RO60: variants seen among roughly 807,000 people sequenced by gnomAD.
RO60 encodes RNA-binding protein RO60.
In RO60, 20 loss-of-function variants were observed where a neutral mutation model predicts 55.3. The ratio of observed to expected loss-of-function variants is 0.36; its 90% CI spans 0.25 to 0.53. The LOEUF (loss-of-function observed/expected upper bound fraction) is 0.53, where lower values mean the gene tolerates loss of function less well. RO60 is among the 20% of genes least tolerant of loss of function. The pLI is 0.92. For missense variants in RO60, 558 were observed against 646.6 expected (o/e 0.86, Z 1.49); for synonymous variants, 213 against 213.6 (o/e 1.00, Z 0.02).
chr1:193,059,801 T>A lies in RO60; in HGVS notation c.-22+25T>A, dbSNP rs751097847. On this transcript the variant is annotated intron_variant, in intron 1 of 8. Transcript: ENST00000400968. The surrounding 1 kb of genome is among the most constrained non-coding windows in gnomAD (Gnocchi z 4.9). ...GGTGAGGACATTGCGGGAGGCCGGC[T>A]GGGAGCCTTTTGTGCGGCCCCAGGG... is the stretch of plus-strand genomic sequence containing the variant. 1 of 1,356,800 alleles carries A rather than the reference T, an allele frequency of 7.4e-7. No homozygotes were observed. The highest frequency in any genetic ancestry group is 2.0e-5 in the Admixed American group (1 of 50,900). 84.0% of individuals were successfully genotyped at this position (1,356,800 alleles called of 1,614,324 possible).
At chr1:193,060,472 C>T (rs1377688857) in intron 1 of RO60, among the ~76,000 whole-genome samples, 2 of 151,942 alleles carry the variant, frequency 1.3e-5, no homozygotes, top group Non-Finnish European at 2.9e-5. Context: ...ATATTTACTC[C>T]TTAAAAGCTA....
intron 1 of RO60, among the ~76,000 whole-genome samples, chr1:193,064,912 T>A (rs1337699640): frequency 2.0e-5 from 3 of 152,240 alleles, no homozygotes. Flanking sequence ...GAATACCTAA[T>A]ATTAAATATG....
At position 193,090,771 on chromosome 1, in the gene RO60, CTCTG is replaced by C. The variant is rs1674826147; in HGVS notation, c.*6042_*6045del. On this transcript the variant is annotated 3_prime_UTR_variant, in exon 9 of 9. Coordinates refer to ENST00000400968, the MANE Select transcript of RO60 (RefSeq NM_001173524.2). Reference sequence around the variant, plus strand: ...TTTGACTGCCTTAAAATACTACTTGCTCTGTAATTCAGGCATACTAGTTACTTTC... The same window carrying C: ...TTTGACTGCCTTAAAATACTACTTGCTAATTCAGGCATACTAGTTACTTTC... The C allele has an allele frequency of 6.6e-6, 1 of 152,042 alleles. No individual in the cohort carries two copies. The highest frequency in any genetic ancestry group is 1.5e-5 in the Non-Finnish European group (1 of 67,954). 9.4% of individuals were successfully genotyped at this position (152,042 alleles called of 1,614,324 possible).
Position 193,076,597 on chromosome 1 carries a change from G to C in RO60, c.898G>C (p.Glu300Gln). The C allele has an allele frequency of 6.2e-7, 1 of 1,610,510 alleles. No individual in the cohort carries two copies. Among genetic ancestry groups the C allele is most frequent in the Admixed American group, 1.7e-5 (1 of 59,226 alleles). ...TTCAGTACTTGAACCAGGAAATTCA[G>C]AAGTATCTTTAGTATGTGAAAAACT... is the stretch of plus-strand genomic sequence containing the variant. ...ANSVLEPGNS[E>Q]VSLVCEKLCN... Residue 300 changes from glutamate (E) to glutamine (Q), a missense_variant, in exon 4 of 9, where the codon GAA becomes CAA. Transcript: ENST00000400968.
In RO60 at chr1:193,086,979, TGG is replaced by T. The variant is rs947813416; in HGVS notation, c.*2249_*2250del. 16 of 152,158 alleles carry T rather than the reference TGG, an allele frequency of 1.1e-4. 1 individual carries two copies. 9.4% of individuals were successfully genotyped at this position (152,158 alleles called of 1,614,324 possible). Reference sequence around the variant, plus strand: ...TTGAAGTACTATAACCTAGAAATCTTGGTCTCTTCATTCCTGTGCCAGAATTT... The same window carrying T: ...TTGAAGTACTATAACCTAGAAATCTTTCTCTTCATTCCTGTGCCAGAATTT... On this transcript the variant is annotated 3_prime_UTR_variant, in exon 9 of 9. Coordinates refer to ENST00000400968, the MANE Select transcript of RO60 (RefSeq NM_001173524.2).
Position 193,076,613 on chromosome 1 carries a change from G to A in RO60, c.914G>A (p.Cys305Tyr), listed in dbSNP as rs772953964. The A allele has an allele frequency of 3.7e-6, 6 of 1,607,164 alleles. No homozygotes were observed. In the Admixed American group the frequency reaches 1.0e-4, roughly 28 times the overall value. Residue 305 changes from cysteine to tyrosine, a missense_variant, in exon 4 of 9, where the codon TGT (cysteine) becomes TAT (tyrosine). Coordinates refer to ENST00000400968, the MANE Select transcript of RO60 (RefSeq NM_001173524.2). ...GGAAATTCAGAAGTATCTTTAGTATGTGAAAAACTGTGTAATGAAAAACTA... is the reference window on the plus strand; with the variant it reads ...GGAAATTCAGAAGTATCTTTAGTATATGAAAAACTGTGTAATGAAAAACTA... The part of the protein sequence containing the change: ...EPGNSEVSLV[C>Y]EKLCNEKLLK...
chr1:193,081,761 GA>G (rs1212362487), intron 6 of RO60, among the ~76,000 whole-genome samples: 1 of 151,662 alleles, frequency 6.6e-6, no homozygotes, highest in Non-Finnish European at 1.5e-5. Context: ...TAGATAAAAT[GA>G]AAAAAAGACA....
chr1:193,087,630 T>G lies in RO60; in HGVS notation c.*2899T>G, dbSNP rs548390233. Reference sequence around the variant, plus strand: ...GACAACCAGTTTAACCTAAGTGATTTGATTATTTTTATCCTTAAAAAGTAA... The same window carrying G: ...GACAACCAGTTTAACCTAAGTGATTGGATTATTTTTATCCTTAAAAAGTAA... On this transcript the variant is annotated 3_prime_UTR_variant, in exon 9 of 9. Transcript: ENST00000400968. 40 of 152,332 alleles carry G rather than the reference T, an allele frequency of 2.6e-4. No homozygotes were observed. Among genetic ancestry groups the G allele is most frequent in the Non-Finnish European group, 4.4e-4 (30 of 68,018 alleles). The allele number at this position is 152,332 out of a possible 1,614,324, so 9.4% of individuals were successfully genotyped here. A position where few individuals can be genotyped will look rare whatever the true frequency, so the allele number is the denominator to read the frequency against.
chr1:193,076,427 T>A, intron 3 of RO60, 74 bp from the exon 4 acceptor site: 1 of 1,475,984 alleles, frequency 6.8e-7, no homozygotes, highest in Non-Finnish European at 9.1e-7. Context: ...TTATGAATAT[T>A]TTTTTATATA....
chr1:193,071,297 G>A (rs1035092819), intron 2 of RO60, among the ~76,000 whole-genome samples: 5 of 152,156 alleles, frequency 3.3e-5, no homozygotes, highest in African/African-American at 1.2e-4. Flanking sequence ...GGCCCTTGCT[G>A]TATATCAGAT....
In RO60 at chr1:193,087,364, C is replaced by A. The variant is rs1674664133; in HGVS notation, c.*2633C>A. The A allele has an allele frequency of 6.6e-6, 1 of 152,082 alleles. No individual in the cohort carries two copies. Among genetic ancestry groups the A allele is most frequent in the Admixed American group, 6.5e-5 (1 of 15,274 alleles). 9.4% of individuals were successfully genotyped at this position (152,082 alleles called of 1,614,324 possible). ...AAACAATCCTGCAAGAATAAACAAA[C>A]TTTATTTCCTAGGTAGTATGTAAAT... On this transcript the variant is annotated 3_prime_UTR_variant, in exon 9 of 9. Transcript: ENST00000400968.
intron 2 of RO60, among the ~76,000 whole-genome samples, chr1:193,071,868 A>T (rs527716445): frequency 1.3e-5 from 2 of 149,060 alleles, no homozygotes; most frequent in South Asian, 4.2e-4. Flanking sequence ...ATATGTATGT[A>T]TATATAATAT....
intron 1 of RO60, among the ~76,000 whole-genome samples, chr1:193,064,998 T>C (rs1673013638): frequency 6.6e-6 from 1 of 152,220 alleles, no homozygotes; most frequent in Admixed American, 6.5e-5. Context: ...ACTTTATTTT[T>C]TCTTGATTAT....
Position 193,065,973 on chromosome 1 carries a change from C to T in RO60, c.-21-3061C>T, listed in dbSNP as rs543025217. On this transcript the variant is annotated intron_variant, in intron 1 of 8. Coordinates refer to ENST00000400968, the MANE Select transcript of RO60 (RefSeq NM_001173524.2). ...TCCCTACACCACTATGTGTTCCCCT[C>T]TCTGAGACCCAGTCTTTCATTCCTC... is the stretch of plus-strand genomic sequence containing the variant. 4.6e-5 allele frequency among the ~76,000 whole-genome samples: 7 copies of T among 152,304 alleles called. No homozygotes were observed. In the East Asian group the frequency reaches 1.3e-3, roughly 29 times the overall value.
rs1672278709 is a variant in RO60 at position 193,059,795 on chromosome 1, G to T, written c.-22+19G>T. ...GGTACAGGTGAGGACATTGCGGGAGGCCGGCTGGGAGCCTTTTGTGCGGCC... is the reference window on the plus strand; with the variant it reads ...GGTACAGGTGAGGACATTGCGGGAGTCCGGCTGGGAGCCTTTTGTGCGGCC... On this transcript the variant is annotated intron_variant, in intron 1 of 8. Coordinates refer to ENST00000400968, the MANE Select transcript of RO60 (RefSeq NM_001173524.2). This position sits in a 1 kb window ranked among gnomAD's most constrained non-coding sequence, Gnocchi z 4.9. 2.2e-6 allele frequency: 3 copies of T among 1,356,288 alleles called. No individual in the cohort carries two copies. Among genetic ancestry groups the T allele is most frequent in the Non-Finnish European group, 2.9e-6 (3 of 1,017,252 alleles). The allele number at this position is 1,356,288 out of a possible 1,614,324, so 84.0% of individuals were successfully genotyped here.
intron 1 of RO60, among the ~76,000 whole-genome samples, chr1:193,065,903 C>G (rs1262034545): frequency 6.6e-6 from 1 of 152,160 alleles, no homozygotes; most frequent in Admixed American, 6.5e-5. Flanking sequence ...CTGTCCCCCT[C>G]AGTCACATTC....
chr1:193,075,117 T>A (rs534522479), intron 2 of RO60, among the ~76,000 whole-genome samples: 1 of 152,236 alleles, frequency 6.6e-6, no homozygotes, highest in East Asian at 1.9e-4. Flanking sequence ...ATTTTAATGT[T>A]GTAATCCAAT....
In RO60 at chr1:193,091,189, C is replaced by T. The variant is rs1572119429; in HGVS notation, c.*6458C>T. 1 of 152,498 alleles carries T rather than the reference C, an allele frequency of 6.6e-6. No individual in the cohort carries two copies. The highest frequency in any genetic ancestry group is 2.1e-4 in the South Asian group (1 of 4,846). 9.4% of individuals were successfully genotyped at this position (152,498 alleles called of 1,614,324 possible). A position where few individuals can be genotyped will look rare whatever the true frequency, so the allele number is the denominator to read the frequency against. ...TAAGGGAATTTTTCAAGACAAAAGG[C>T]AAATATTTTGTTTCAAACCTACAAG... On this transcript the variant is annotated 3_prime_UTR_variant, in exon 9 of 9. Coordinates refer to ENST00000400968, the MANE Select transcript of RO60 (RefSeq NM_001173524.2).
rs375862165 is a variant in RO60 at position 193,089,365 on chromosome 1, G to A, written c.*4634G>A. ...TTTCACTGAGCATATATAGAGATAC[G>A]TTGCTTGTGGCATAAAAAGTCTTGT... On this transcript the variant is annotated 3_prime_UTR_variant, in exon 9 of 9. Transcript: ENST00000400968. The A allele has an allele frequency of 2.0e-4, 31 of 152,098 alleles. 1 individual carries two copies. The South Asian group carries it at 4.4e-3, about 21-fold the overall frequency. The allele number at this position is 152,098 out of a possible 1,614,324, so 9.4% of individuals were successfully genotyped here.
Sources: gnomAD v4.1 joint callset for allele counts (sites outside exome capture counted in the v4.1 genomes callset) on GRCh38, gnomAD v4.1.1 for gene constraint, Gnocchi (gnomAD v3.1) non-coding constraint, MANE v1.5 for transcripts, NCBI Gene and HGNC (gene_info 2026-07-23, HGNC 2026-07-21) for gene names.